ZNF710: variants seen among roughly 807,000 people sequenced by gnomAD.
The protein encoded by ZNF710 is zinc finger protein 710.
ZNF710 carries 13 observed loss-of-function variants against 50.6 expected under a neutral mutation model. The observed-to-expected ratio is 0.26, with a 90% CI of 0.17 to 0.41. The LOEUF is 0.41. Among genes scored for constraint, ZNF710 ranks in the 10% least tolerant of loss-of-function variants. ZNF710 has a pLI of 1.00. For missense variants in ZNF710, 721 were observed against 936.6 expected, an observed-to-expected ratio of 0.77 and a Z score of 3.01; for synonymous variants, 383 against 397.0, an observed-to-expected ratio of 0.96 and a Z score of 0.42.
intron 1 of ZNF710, among the ~76,000 whole-genome samples, chr15:90,002,956 C>T (rs1364706195): frequency 6.6e-6 from 1 of 152,166 alleles, no homozygotes; most frequent in African/African-American, 2.4e-5. Flanking sequence ...TCACTGCAGC[C>T]TCCGTCTCCC....
intron 1 of ZNF710, chr15:90,025,455 A>G (rs1898748846): frequency 6.6e-6 from 1 of 152,206 alleles, no homozygotes; most frequent in African/African-American, 2.4e-5. Flanking sequence ...AGACAGTACA[A>G]ATTGCTCCAT....
intron 1 of ZNF710, among the ~76,000 whole-genome samples, chr15:90,011,369 A>G (rs1017421489): frequency 6.6e-6 from 1 of 152,212 alleles, no homozygotes; most frequent in Non-Finnish European, 1.5e-5. Flanking sequence ...ACGGCCTCCC[A>G]GAGTGTTGGG....
At chr15:90,009,840 A>G (rs1270475781) in intron 1 of ZNF710, among the ~76,000 whole-genome samples, 1 of 149,924 alleles carries the variant, frequency 6.7e-6, no homozygotes, top group African/African-American at 2.5e-5. Flanking sequence ...GCCCACTCTC[A>G]CTCCAGCTGG....
chr15:90,064,115 C>G (rs1314607502), intron 1 of ZNF710, among the ~76,000 whole-genome samples: 1 of 152,230 alleles, frequency 6.6e-6, no homozygotes, highest in Non-Finnish European at 1.5e-5. Context: ...ATCATTTGCC[C>G]AAACCCCACA....
chr15:90,007,957 T>C (rs1177200203), intron 1 of ZNF710, among the ~76,000 whole-genome samples: 1 of 151,914 alleles, frequency 6.6e-6, no homozygotes, highest in Non-Finnish European at 1.5e-5. Context: ...TCATGCTTGT[T>C]TGCAAAGAAA....
intron 1 of ZNF710, among the ~76,000 whole-genome samples, chr15:90,028,402 A>G (rs1047094669): frequency 6.6e-6 from 1 of 152,228 alleles, no homozygotes; most frequent in African/African-American, 2.4e-5. Flanking sequence ...AGATTGTCCC[A>G]GTCTCTGAGA....
chr15:90,012,174 C>A (rs1483944745), intron 1 of ZNF710, among the ~76,000 whole-genome samples: 1 of 150,756 alleles, frequency 6.6e-6, no homozygotes, highest in Non-Finnish European at 1.5e-5. Context: ...TACTGCATTC[C>A]AGCCTGGCAA....
Position 90,067,449 on chromosome 15 carries a change from G to T in ZNF710, c.312G>T (p.Arg104=), listed in dbSNP as rs768059246. Residue 104 remains arginine (R), a synonymous_variant, in exon 2 of 5, where the codon CGG becomes CGT. Transcript: ENST00000268154. This position sits in a 1 kb window ranked among gnomAD's most constrained non-coding sequence, Gnocchi z 8.1. ...HTRRKTRPPV[R]LVPKVKFEKV... ...GGCGGAAGACGCGGCCACCTGTGCG[G>T]TTGGTGCCCAAGGTCAAGTTCGAGA... 6.2e-7 allele frequency: 1 copy of T among 1,611,214 alleles called. No individual in the cohort carries two copies. Among genetic ancestry groups the T allele is most frequent in the African/African-American group, 1.3e-5 (1 of 75,032 alleles).
intron 4 of ZNF710, 175 bp downstream of exon 4, chr15:90,074,465 T>C: frequency 6.5e-7 from 1 of 1,532,058 alleles, no homozygotes; most frequent in Non-Finnish European, 8.7e-7. Flanking sequence ...AACGATGGGA[T>C]ATTTATGTCT....
Position 90,062,181 on chromosome 15 carries a change from C to G in ZNF710, c.-28-4929C>G, listed in dbSNP as rs989926362. 2.0e-5 allele frequency among the ~76,000 whole-genome samples: 3 copies of G among 151,126 alleles called. No homozygotes were observed. The highest frequency in any genetic ancestry group is 3.0e-5 in the Non-Finnish European group (2 of 67,748). The stretch of plus-strand genomic sequence containing the variant: ...CCTCACTCAGGCTCCTCCTCTGCCC[C>G]CCCTTCCCTGTCTCTTCATTTCTTC... On this transcript the variant is annotated intron_variant, in intron 1 of 4. Coordinates refer to ENST00000268154, the MANE Select transcript of ZNF710 (RefSeq NM_198526.4). The surrounding 1 kb of genome is among the most constrained non-coding windows in gnomAD (Gnocchi z 5.6).
At chr15:90,041,135 TC>T (rs1183652498) in intron 1 of ZNF710, among the ~76,000 whole-genome samples, 2 of 152,042 alleles carry the variant, frequency 1.3e-5, no homozygotes, top group Admixed American at 6.5e-5. Flanking sequence ...ACTGATCAAT[TC>T]TGTTTTTTTT....
chr15:90,040,991 C>T lies in ZNF710; in HGVS notation c.-28-26119C>T, dbSNP rs549270181. 6.6e-5 allele frequency among the ~76,000 whole-genome samples: 10 copies of T among 152,304 alleles called. No individual in the cohort carries two copies. The highest frequency in any genetic ancestry group is 2.1e-4 in the South Asian group (1 of 4,830). On this transcript the variant is annotated intron_variant, in intron 1 of 4. Coordinates refer to ENST00000268154, the MANE Select transcript of ZNF710 (RefSeq NM_198526.4). The surrounding 1 kb of genome is among the most constrained non-coding windows in gnomAD (Gnocchi z 4.6). ...CACTGCTAAACATGGCACTGAACTA[C>T]GATTACTTCTTTAAAACAAGAGTTC...
upstream of ZNF710, among the ~76,000 whole-genome samples, chr15:90,000,993 A>G (rs1322295139): frequency 1.3e-5 from 2 of 152,180 alleles, no homozygotes; most frequent in African/African-American, 2.4e-5. Flanking sequence ...GGAGAAAAAA[A>G]AAAGAGAGAG....
intron 1 of ZNF710, among the ~76,000 whole-genome samples, chr15:90,049,667 T>A (rs1381895724): frequency 6.6e-6 from 1 of 152,120 alleles, no homozygotes; most frequent in Non-Finnish European, 1.5e-5. Flanking sequence ...CCCTGTGACA[T>A]CCATGGTCCT....
intron 1 of ZNF710, among the ~76,000 whole-genome samples, chr15:90,011,897 CT>C (rs1466353791): frequency 6.6e-6 from 1 of 152,142 alleles, no homozygotes; most frequent in African/African-American, 2.4e-5. Flanking sequence ...TGTCTTCAGG[CT>C]TTCATTGTTG....
rs201471695 is a variant in ZNF710, at chr15:90,034,197, C to CAAAAA, written c.-29+32588_-29+32592dup. Among the ~76,000 whole-genome samples, 1 of 137,692 alleles carries CAAAAA rather than the reference C, an allele frequency of 7.3e-6. No individual in the cohort carries two copies. Among genetic ancestry groups the CAAAAA allele is most frequent in the Admixed American group, 7.3e-5 (1 of 13,708 alleles). The allele number at this position is 137,692 out of a possible 152,430, so 90.3% of individuals were successfully genotyped here. On this transcript the variant is annotated intron_variant, in intron 1 of 4. Transcript: ENST00000268154. The surrounding 1 kb of genome is among the most constrained non-coding windows in gnomAD (Gnocchi z 4.0). ...TGGGTGACAGAGTGAGACTCTGTCT[C>CAAAAA]AAAAAAAAAGAAAAGAAAAGAAAAG...
intron 1 of ZNF710, among the ~76,000 whole-genome samples, chr15:90,056,836 C>T (rs566888694): frequency 7.2e-5 from 11 of 152,270 alleles, no homozygotes; most frequent in South Asian, 2.1e-4. Flanking sequence ...GTGCAGCAGA[C>T]GCCCTGTTAG....
intron 1 of ZNF710, among the ~76,000 whole-genome samples, chr15:90,032,906 T>TA (rs1269719489): frequency 5.3e-5 from 8 of 151,818 alleles, no homozygotes; most frequent in Non-Finnish European, 1.2e-4. Flanking sequence ...AACTTGTTTC[T>TA]AAAAAAAGAA....
At chr15:90,026,294 G>A (rs1898779150) in intron 1 of ZNF710, among the ~76,000 whole-genome samples, 1 of 136,978 alleles carries the variant, frequency 7.3e-6, no homozygotes, top group Admixed American at 7.1e-5. Flanking sequence ...GAATGAGAAA[G>A]GGGACATTGC....
Sources: gnomAD v4.1 joint callset for allele counts (sites outside exome capture counted in the v4.1 genomes callset) on GRCh38, gnomAD v4.1.1 for gene constraint, Gnocchi (gnomAD v3.1) non-coding constraint, MANE v1.5 for transcripts, NCBI Gene and HGNC (gene_info 2026-07-23, HGNC 2026-07-21) for gene names.